Variants in HERC1 observed in about 807,000 individuals in gnomAD.
HERC1 encodes the protein probable E3 ubiquitin-protein ligase HERC1.
A neutral mutation model predicts 554.3 loss-of-function variants in HERC1; 160 were observed. The observed-to-expected ratio is 0.29, with a 90% CI of 0.25 to 0.33. HERC1 has a LOEUF of 0.33. HERC1 is among the 10% of genes least tolerant of loss of function. HERC1 has a pLI of 1.00. For missense variants in HERC1, 4,919 were observed against 5,918.5 expected (o/e 0.83, Z 5.54); for synonymous variants, 2,175 against 2,131.7 (o/e 1.02, Z -0.56).
chr15:63,788,835 A>G (rs970632656), intron 1 of HERC1, among the ~76,000 whole-genome samples: 3 of 147,656 alleles, frequency 2.0e-5, no homozygotes, highest in Non-Finnish European at 4.5e-5. Context: ...AGATCGCGCC[A>G]TTGCACTCCA....
intron 50 of HERC1, among the ~76,000 whole-genome samples, chr15:63,654,966 G>A (rs1386187972): frequency 6.6e-6 from 1 of 152,188 alleles, no homozygotes; most frequent in African/African-American, 2.4e-5. Flanking sequence ...AACCAGGATG[G>A]AGATGGCATG....
chr15:63,608,887 G>A lies in HERC1; in HGVS notation c.*194C>T. On this transcript the variant is annotated 3_prime_UTR_variant, in exon 78 of 78. Coordinates refer to ENST00000443617, the MANE Select transcript of HERC1 (RefSeq NM_003922.4). ...TGACTGAGAGCACTTCGTTTTTGTTGTTTTTGTACAATCACAGAAAAATAA... is the reference window on the plus strand; with the variant it reads ...TGACTGAGAGCACTTCGTTTTTGTTATTTTTGTACAATCACAGAAAAATAA... 2.1e-6 allele frequency: 1 copy of A among 481,924 alleles called. No individual in the cohort carries two copies. The highest frequency in any genetic ancestry group is 3.4e-6 in the Non-Finnish European group (1 of 295,180). The allele number at this position is 481,924 out of a possible 1,614,324, so 29.9% of individuals were successfully genotyped here. A position where few individuals can be genotyped will look rare whatever the true frequency, so the allele number is the denominator to read the frequency against.
In HERC1 at chr15:63,749,852, G is replaced by C; in HGVS notation, c.1903-61C>G. 7.4e-7 allele frequency: 1 copy of C among 1,345,858 alleles called. No individual in the cohort carries two copies. The highest frequency in any genetic ancestry group is 9.9e-7 in the Non-Finnish European group (1 of 1,008,090). The allele number at this position is 1,345,858 out of a possible 1,614,324, so 83.4% of individuals were successfully genotyped here. On this transcript the variant is annotated intron_variant, in intron 8 of 77. Transcript: ENST00000443617. This position sits in a 1 kb window ranked among gnomAD's most constrained non-coding sequence, Gnocchi z 4.1. ...TGAGATGATTAGATTGTTGGCTTTA[G>C]GGATAAATGAAATCTATGAAACTAA...
chr15:63,785,450 C>A (rs1182672639), intron 1 of HERC1, among the ~76,000 whole-genome samples: 2 of 151,864 alleles, frequency 1.3e-5, no homozygotes, highest in Non-Finnish European at 2.9e-5. Flanking sequence ...TAATTCAATT[C>A]AAAATTAGAA....
intron 24 of HERC1, among the ~76,000 whole-genome samples, chr15:63,710,620 G>A (rs1016236405): frequency 6.6e-6 from 1 of 152,012 alleles, no homozygotes; most frequent in Admixed American, 6.6e-5. Context: ...GTAAGTGATC[G>A]GTGCCCCAGA....
chr15:63,754,771 C>A, intron 6 of HERC1, 123 bp from the exon 7 acceptor site: 3 of 960,356 alleles, frequency 3.1e-6, no homozygotes, highest in African/African-American at 1.6e-5. Context: ...TAATGCAATG[C>A]AATATGAAAA....
intron 1 of HERC1, among the ~76,000 whole-genome samples, chr15:63,785,256 T>C (rs565937884): frequency 1.3e-5 from 2 of 151,894 alleles, no homozygotes; most frequent in Admixed American, 1.3e-4. Context: ...AGACATTACC[T>C]TGACAAAATG....
At chr15:63,817,759 G>A (rs1045806181) in intron 1 of HERC1, among the ~76,000 whole-genome samples, 1 of 152,106 alleles carries the variant, frequency 6.6e-6, no homozygotes, top group African/African-American at 2.4e-5. Flanking sequence ...GATGAGGGGT[G>A]CTAGATAGAA....
Position 63,677,710 on chromosome 15 carries a change from C to A in HERC1, c.7070+135G>T. The stretch of plus-strand genomic sequence containing the variant: ...CTTTAAGAAATTACAGTAGAAACAT[C>A]TAGCTGCATGAGAAATATTTTTAAA... On this transcript the variant is annotated intron_variant, in intron 37 of 77. Transcript: ENST00000443617. The surrounding 1 kb of genome is among the most constrained non-coding windows in gnomAD (Gnocchi z 4.4). The A allele has an allele frequency of 3.5e-6, 5 of 1,414,548 alleles. No homozygotes were observed. The highest frequency in any genetic ancestry group is 3.8e-6 in the Non-Finnish European group (4 of 1,058,776). 87.6% of individuals were successfully genotyped at this position (1,414,548 alleles called of 1,614,324 possible).
At position 63,711,528 on chromosome 15, in the gene HERC1, G is replaced by C. The variant is rs187733957; in HGVS notation, c.4584+1247C>G. ...ATGTCATGATACAATGAAACGTAAA[G>C]ACACTGTTCAACTTTCCTTAGATGA... On this transcript the variant is annotated intron_variant, in intron 24 of 77. Transcript: ENST00000443617. Among the ~76,000 whole-genome samples, 8 of 152,292 alleles carry C rather than the reference G, an allele frequency of 5.3e-5. No homozygotes were observed. The East Asian group carries it at 1.5e-3, about 29-fold the overall frequency.
At chr15:63,799,900 G>T (rs1308478799) in intron 1 of HERC1, among the ~76,000 whole-genome samples, 1 of 152,146 alleles carries the variant, frequency 6.6e-6, no homozygotes, top group African/African-American at 2.4e-5. Flanking sequence ...ATTTTGGGAG[G>T]ATCACTTGAG....
intron 23 of HERC1, among the ~76,000 whole-genome samples, 169 bp from the exon 24 acceptor site, chr15:63,713,064 TG>T (rs2073383075): frequency 6.6e-6 from 1 of 152,268 alleles, no homozygotes; most frequent in Admixed American, 6.5e-5. Context: ...CAAAATAATT[TG>T]CATGTCACTA....
At chr15:63,786,686 T>G (rs78088275) in intron 1 of HERC1, among the ~76,000 whole-genome samples, 4,666 of 152,232 alleles carry the variant, frequency 0.031, 97 homozygotes, top group African/African-American at 0.065. Flanking sequence ...TTATAAGAAA[T>G]GTACAGTACA....
intron 1 of HERC1, among the ~76,000 whole-genome samples, chr15:63,828,945 G>C (rs1042452546): frequency 2.5e-4 from 38 of 152,232 alleles, no homozygotes; most frequent in African/African-American, 8.4e-4. Context: ...CTAGGGTACA[G>C]GTTAGCAATC....
chr15:63,794,375 T>C (rs1264704683), intron 1 of HERC1, among the ~76,000 whole-genome samples: 2 of 152,206 alleles, frequency 1.3e-5, no homozygotes, highest in Non-Finnish European at 2.9e-5. Flanking sequence ...TGTGGTTCTA[T>C]GGAAGCTTCA....
At chr15:63,658,799 C>G (rs965456873) in intron 47 of HERC1, 81 bp from the exon 48 acceptor site, 76 of 1,154,016 alleles carry the variant, frequency 6.6e-5, no homozygotes, top group Middle Eastern at 2.3e-4. Flanking sequence ...TCCTATTCTA[C>G]AGAGGTTCCA....
At chr15:63,652,901 C>A (rs1157600557) in intron 51 of HERC1, among the ~76,000 whole-genome samples, 1 of 152,182 alleles carries the variant, frequency 6.6e-6, no homozygotes, top group African/African-American at 2.4e-5. Flanking sequence ...CCGCCCACCT[C>A]AGCCTCTCAA....
At chr15:63,717,152 C>T (rs1387864149) in intron 21 of HERC1, among the ~76,000 whole-genome samples, 1 of 152,098 alleles carries the variant, frequency 6.6e-6, no homozygotes, top group Non-Finnish European at 1.5e-5. Flanking sequence ...GACTCATGAC[C>T]ATTAAATAAT....
intron 12 of HERC1, among the ~76,000 whole-genome samples, chr15:63,744,188 CTCTCTCTCTG>C (rs907054420): frequency 1.3e-5 from 2 of 149,746 alleles, no homozygotes; most frequent in African/African-American, 2.5e-5. Context: ...CTCTCTCTCT[CTCTCTCTCTG>C]TCTCTCCTCA....
Sources: gnomAD v4.1 joint callset for allele counts (sites outside exome capture counted in the v4.1 genomes callset) on GRCh38, gnomAD v4.1.1 for gene constraint, Gnocchi (gnomAD v3.1) non-coding constraint, MANE v1.5 for transcripts, NCBI Gene and HGNC (gene_info 2026-07-23, HGNC 2026-07-21) for gene names.